SORD: variants seen among roughly 807,000 people sequenced by gnomAD.
SORD encodes the protein (R,R)-butanediol dehydrogenase.
SORD carries 18 observed loss-of-function variants against 35.6 expected under a neutral mutation model. The ratio of observed to expected loss-of-function variants is 0.51; its 90% CI spans 0.35 to 0.75. The LOEUF (loss-of-function observed/expected upper bound fraction) is 0.75. Among genes scored for constraint, SORD ranks in the 30% least tolerant of loss-of-function variants. SORD has a pLI of 0.01. For synonymous variants in SORD, 106 were observed against 152.9 expected (o/e 0.69, Z 2.26); for missense variants, 250 against 390.2 (o/e 0.64, Z 3.03).
intron 1 of SORD, among the ~76,000 whole-genome samples, chr15:45,038,014 G>A (rs992004054): frequency 2.0e-5 from 3 of 151,878 alleles, no homozygotes; most frequent in African/African-American, 7.3e-5. Flanking sequence ...TTTACACAGC[G>A]GTCCCTGATG....
intron 3 of SORD, among the ~76,000 whole-genome samples, chr15:45,054,089 G>A (rs1158416185): frequency 6.7e-6 from 1 of 150,022 alleles, no homozygotes; most frequent in East Asian, 1.9e-4. Flanking sequence ...ATTGTGAATA[G>A]TGCTGCAATA....
chr15:45,068,207 G>T lies in SORD; in HGVS notation c.571G>T (p.Val191Leu). 6.2e-7 allele frequency: 1 copy of T among 1,613,870 alleles called. No individual in the cohort carries two copies. The highest frequency in any genetic ancestry group is 8.5e-7 in the Non-Finnish European group (1 of 1,179,772). Residue 191 changes from valine (V) to leucine (L), a missense_variant, in exon 6 of 9, where the codon GTG (valine) becomes TTG (leucine). This residue lies in a region of SORD where 126 missense variants were observed against 148.7 expected (regional missense o/e 0.85). Coordinates refer to ENST00000267814, the MANE Select transcript of SORD (RefSeq NM_003104.6). ...AGPIGMVTLL[V>L]AKAMGAAQVV... is the part of the protein sequence containing the mutation. The stretch of plus-strand genomic sequence containing the variant: ...GCCAATCGGGATGGTCACTTTGCTC[G>T]TGGCCAAAGCAATGGGAGCAGCTCA...
intron 1 of SORD, among the ~76,000 whole-genome samples, chr15:45,028,295 G>C (rs113000093): frequency 0.16 from 20,551 of 130,320 alleles, 14 homozygotes; most frequent in African/African-American, 0.42. Flanking sequence ...CCACTGCACT[G>C]CAGCGTGGGT....
intron 7 of SORD, 27 bp downstream of exon 7, chr15:45,069,079 G>A (rs764353315): frequency 3.2e-6 from 5 of 1,584,370 alleles, no homozygotes; most frequent in Non-Finnish European, 4.3e-6. Context: ...CAGCTTTGGG[G>A]AATCAGCATA....
chr15:45,061,305 C>A (rs1436992399), intron 4 of SORD, 79 bp downstream of exon 4: 18 of 1,477,528 alleles, frequency 1.2e-5, no homozygotes, highest in African/African-American at 4.2e-5. Context: ...GTGGTTATTT[C>A]TTTATTCTTT....
At chr15:45,038,141 TTCCTTCCTTCCTTCCTTCCTTCC>T (rs1566958502) in intron 1 of SORD, among the ~76,000 whole-genome samples, 2 of 106,256 alleles carry the variant, frequency 1.9e-5, no homozygotes, top group African/African-American at 9.4e-5. Context: ...CCTTCCTTCC[TTCCTTCCTTCCTTCCTTCCTTCC>T]TTCCTTCCTT....
At position 45,023,251 on chromosome 15, in the gene SORD, T is replaced by C; in HGVS notation, c.-33T>C. On this transcript the variant is annotated 5_prime_UTR_variant, in exon 1 of 9. Coordinates refer to ENST00000267814, the MANE Select transcript of SORD (RefSeq NM_003104.6). ...CCAGAGCGACCAAACGTCCCGCGCC[T>C]TCCAGGCCGCACTCCAGAGCCAAAA... The C allele has an allele frequency of 1.3e-6, 2 of 1,526,084 alleles. No homozygotes were observed. The highest frequency in any genetic ancestry group is 1.8e-6 in the Non-Finnish European group (2 of 1,136,878). 94.5% of individuals were successfully genotyped at this position (1,526,084 alleles called of 1,614,324 possible).
In SORD at chr15:45,065,353, G is replaced by C; in HGVS notation, c.508G>C (p.Val170Leu). The change falls in exon 5 of 9, where the codon GTT (valine) becomes CTT (leucine). Residue 170 changes from valine to leucine, a missense_variant. Coordinates refer to ENST00000267814, the MANE Select transcript of SORD (RefSeq NM_003104.6). The stretch of plus-strand genomic sequence containing the variant: ...GATCCATGCCTGCAGGAGAGGCGGA[G>C]TTACCCTGGGACACAAGGTCCTTGT... ...VGIHACRRGGVTLGHKVLVCG... is the reference protein window; with the variant it reads ...VGIHACRRGGLTLGHKVLVCG... The C allele has an allele frequency of 6.2e-7, 1 of 1,613,758 alleles. No homozygotes were observed. Among genetic ancestry groups the C allele is most frequent in the Non-Finnish European group, 8.5e-7 (1 of 1,179,786 alleles).
chr15:45,052,228 T>C (rs1356811764), intron 3 of SORD, among the ~76,000 whole-genome samples: 17 of 152,210 alleles, frequency 1.1e-4, no homozygotes, highest in Admixed American at 1.0e-3. Flanking sequence ...GAAGCAATTG[T>C]CTGTTAGCCA....
intron 1 of SORD, among the ~76,000 whole-genome samples, chr15:45,038,259 G>A (rs1263952085): frequency 6.6e-6 from 1 of 151,232 alleles, no homozygotes; most frequent in African/African-American, 2.4e-5. Flanking sequence ...TGCCCCCATC[G>A]GGCTGCTTTG....
chr15:45,036,961 G>A (rs1416898620), intron 1 of SORD, among the ~76,000 whole-genome samples: 2 of 152,184 alleles, frequency 1.3e-5, no homozygotes, highest in Non-Finnish European at 2.9e-5. Flanking sequence ...GAAAAGCAAG[G>A]TTTTGAGCAA....
chr15:45,056,782 G>T (rs908413301), intron 3 of SORD, among the ~76,000 whole-genome samples: 1 of 152,212 alleles, frequency 6.6e-6, no homozygotes, highest in African/African-American at 2.4e-5. Context: ...TCTAAGCAAA[G>T]AAACTTCCAT....
chr15:45,027,881 T>C (rs992744315), intron 1 of SORD, among the ~76,000 whole-genome samples: 2,258 of 151,752 alleles, frequency 0.015, 1 homozygote, highest in African/African-American at 0.053. Flanking sequence ...GGAATTAATA[T>C]ATTGACTGCC....
intron 3 of SORD, among the ~76,000 whole-genome samples, chr15:45,048,902 G>A (rs185859159): frequency 8.7e-4 from 132 of 152,242 alleles, no homozygotes; most frequent in Non-Finnish European, 1.6e-3. Flanking sequence ...GTGTAGCTGC[G>A]TGTGTAGCTT....
At chr15:45,068,837 T>C (rs1478246117) in intron 6 of SORD, 40 bp from the exon 7 acceptor site, 6 of 1,389,952 alleles carry the variant, frequency 4.3e-6, no homozygotes, top group African/African-American at 3.2e-5. Context: ...AGATTTCTCT[T>C]GTTTGAAAGA....
At chr15:45,066,524 A>T (rs2141125227) in intron 5 of SORD, among the ~76,000 whole-genome samples, 1 of 152,240 alleles carries the variant, frequency 6.6e-6, no homozygotes, top group African/African-American at 2.4e-5. Flanking sequence ...CAGTGGGAGG[A>T]GTGAGCAGTG....
chr15:45,065,675 T>C (rs1452291232), intron 5 of SORD, among the ~76,000 whole-genome samples: 3 of 152,248 alleles, frequency 2.0e-5, no homozygotes, highest in Admixed American at 6.5e-5. Context: ...ATCCCAGCAC[T>C]TTGGGAAACC....
chr15:45,068,421 CAGAG>C (rs908543618), intron 6 of SORD, among the ~76,000 whole-genome samples, 175 bp downstream of exon 6: 35 of 148,838 alleles, frequency 2.4e-4, no homozygotes, highest in Non-Finnish European at 4.2e-4. Flanking sequence ...GAGAAGCTAT[CAGAG>C]AGAGAGAGAG....
Position 45,061,056 on chromosome 15 carries a change from T to G in SORD, c.266-11T>G. The stretch of plus-strand genomic sequence containing the variant: ...CCTCGGACATGGTGCCATCTTTGTT[T>G]TCCTCTCCAGGTGATCGTGTTGCCA... On this transcript the variant is annotated splice_polypyrimidine_tract_variant and intron_variant, in intron 3 of 8. Coordinates refer to ENST00000267814, the MANE Select transcript of SORD (RefSeq NM_003104.6). 1.2e-6 allele frequency: 2 copies of G among 1,614,116 alleles called. No individual in the cohort carries two copies. The highest frequency in any genetic ancestry group is 1.1e-5 in the South Asian group (1 of 91,080).
Sources: allele counts gnomAD v4.1 joint callset (sites outside exome capture counted in the v4.1 genomes callset), GRCh38; gene constraint gnomAD v4.1.1; regional missense constraint gnomAD v4.1.1; transcripts MANE v1.5; gene names NCBI Gene and HGNC (gene_info 2026-07-23, HGNC 2026-07-21).